The following LYPLAL1 variants were observed in gnomAD, a reference collection of about 807,000 sequenced individuals.
LYPLAL1 encodes lysophospholipase like 1.
In LYPLAL1, 23 loss-of-function variants were observed where a neutral mutation model predicts 19.7. That is an observed-to-expected ratio of 1.17 (90% confidence interval 0.84 to 1.65). The LOEUF is 1.65. Among genes scored for constraint, LYPLAL1 ranks in the 40% most tolerant of loss-of-function variants. The pLI, the probability that LYPLAL1 is intolerant of heterozygous loss-of-function variation, is 0.00. For synonymous variants in LYPLAL1, 119 were observed against 96.3 expected (o/e 1.24, Z -1.38); for missense variants, 355 against 279.4 (o/e 1.27, Z -1.93).
At chr1:219,410,741 C>A in the LYPLAL1 span, among the ~76,000 whole-genome samples, 3 of 152,334 alleles carry the variant, frequency 2.0e-5, no homozygotes, top group Non-Finnish European at 1.5e-5. Context: ...GCCCCGCACT[C>A]GGAGCAGCCA....
At chr1:219,316,667 T>C in the LYPLAL1 span, among the ~76,000 whole-genome samples, 1 of 152,128 alleles carries the variant, frequency 6.6e-6, no homozygotes, top group African/African-American at 2.4e-5. Context: ...GTCAAATGTA[T>C]ATGCAAAAAT....
chr1:219,402,894 A>G, the LYPLAL1 span, among the ~76,000 whole-genome samples: 2 of 152,204 alleles, frequency 1.3e-5, no homozygotes, highest in East Asian at 3.9e-4. Flanking sequence ...GGCCAGAGGG[A>G]ATATAGATAT....
chr1:219,228,459 A>ATATATATATATATATATATAT, the LYPLAL1 span, among the ~76,000 whole-genome samples: 3 of 152,016 alleles, frequency 2.0e-5, no homozygotes, highest in Non-Finnish European at 4.4e-5. Flanking sequence ...TCCAATATAG[A>ATATATATATATATATATATAT]AAACGTTCCC....
intron 3 of LYPLAL1, 84 bp downstream of exon 3, chr1:219,193,335 G>A (rs1657352776): frequency 9.0e-6 from 10 of 1,107,278 alleles, no homozygotes; most frequent in Middle Eastern, 2.7e-4. Context: ...ACATTATTTA[G>A]AAGCACTTGT....
the LYPLAL1 span, among the ~76,000 whole-genome samples, chr1:219,231,737 A>G: frequency 5.3e-5 from 8 of 152,196 alleles, no homozygotes; most frequent in Admixed American, 3.9e-4. Flanking sequence ...GTCTGCATCA[A>G]TTTCCCTGTA....
the LYPLAL1 span, among the ~76,000 whole-genome samples, chr1:219,300,501 T>G: frequency 4.6e-3 from 691 of 151,676 alleles, 8 homozygotes; most frequent in African/African-American, 0.016. Context: ...GGGGGACGCT[T>G]TGTGAACCTA....
the LYPLAL1 span, among the ~76,000 whole-genome samples, chr1:219,406,268 G>A: frequency 6.6e-6 from 1 of 152,112 alleles, no homozygotes; most frequent in Admixed American, 6.6e-5. Context: ...CCTCTTATTC[G>A]GGAAAGGGAA....
the LYPLAL1 span, among the ~76,000 whole-genome samples, chr1:219,426,182 G>C: frequency 6.6e-6 from 1 of 152,212 alleles, no homozygotes; most frequent in African/African-American, 2.4e-5. Context: ...GAGACAAAAG[G>C]TGAAACCTAA....
chr1:219,367,977 G>T, the LYPLAL1 span, among the ~76,000 whole-genome samples: 2 of 149,464 alleles, frequency 1.3e-5, no homozygotes, highest in African/African-American at 4.9e-5. Flanking sequence ...TTCCTATGTG[G>T]ATTTGCTCTC....
chr1:219,231,706 G>A, the LYPLAL1 span, among the ~76,000 whole-genome samples: 1 of 152,190 alleles, frequency 6.6e-6, no homozygotes, highest in South Asian at 2.1e-4. Context: ...CCCTGGGGAA[G>A]TCCAACCAGA....
At chr1:219,366,475 G>A in the LYPLAL1 span, among the ~76,000 whole-genome samples, 1 of 152,184 alleles carries the variant, frequency 6.6e-6, no homozygotes, top group African/African-American at 2.4e-5. Flanking sequence ...CCTTGCTCGT[G>A]TGACTTATTA....
At chr1:219,295,257 A>G in the LYPLAL1 span, among the ~76,000 whole-genome samples, 3 of 152,128 alleles carry the variant, frequency 2.0e-5, no homozygotes, top group Non-Finnish European at 4.4e-5. Flanking sequence ...TCACATCACA[A>G]TTGTTCACAA....
At chr1:219,283,648 C>T in the LYPLAL1 span, among the ~76,000 whole-genome samples, 2 of 152,068 alleles carry the variant, frequency 1.3e-5, no homozygotes, top group East Asian at 3.9e-4. Flanking sequence ...CTGACAATTG[C>T]CTGTACAGCC....
At chr1:219,193,425 C>T (rs760390871) in intron 3 of LYPLAL1, 174 bp downstream of exon 3, 38 of 380,338 alleles carry the variant, frequency 1.0e-4, no homozygotes, top group South Asian at 2.3e-4. Context: ...TAAACAGCAG[C>T]GCATGAAACT....
At chr1:219,244,438 A>G in the LYPLAL1 span, among the ~76,000 whole-genome samples, 1 of 152,158 alleles carries the variant, frequency 6.6e-6, no homozygotes, top group African/African-American at 2.4e-5. Context: ...TGGAGGAGGG[A>G]TACTGCCTGG....
chr1:219,246,487 A>T, the LYPLAL1 span, among the ~76,000 whole-genome samples: 1 of 152,152 alleles, frequency 6.6e-6, no homozygotes, highest in Non-Finnish European at 1.5e-5. Flanking sequence ...ATTCCTTCTT[A>T]TGCATCCTGC....
At chr1:219,182,342 T>G (rs575840609) in intron 2 of LYPLAL1, among the ~76,000 whole-genome samples, 1 of 152,228 alleles carries the variant, frequency 6.6e-6, no homozygotes, top group African/African-American at 2.4e-5. Flanking sequence ...ATTACCCTGT[T>G]TAGGCAAGCA....
the LYPLAL1 span, among the ~76,000 whole-genome samples, chr1:219,241,158 A>G: frequency 6.7e-5 from 9 of 135,120 alleles, no homozygotes; most frequent in Non-Finnish European, 1.1e-4. Flanking sequence ...ATATATATAT[A>G]TATGGATTTT....
chr1:219,223,987 G>T, the LYPLAL1 span, among the ~76,000 whole-genome samples: 1 of 151,714 alleles, frequency 6.6e-6, no homozygotes, highest in Non-Finnish European at 1.5e-5. Context: ...GATTTTTCCT[G>T]TTCAGTTATT....
Sources: allele counts gnomAD v4.1 joint callset (sites outside exome capture counted in the v4.1 genomes callset), GRCh38; gene constraint gnomAD v4.1.1; transcripts MANE v1.5; gene names NCBI Gene and HGNC (gene_info 2026-07-23, HGNC 2026-07-21).